The following LTA4H variants were observed in gnomAD, a reference collection of about 807,000 sequenced individuals.
LTA4H encodes the protein leukotriene A-4 hydrolase.
A neutral mutation model predicts 89.8 loss-of-function variants in LTA4H; 59 were observed. The observed-to-expected ratio is 0.66, with a 90% CI of 0.53 to 0.82. LTA4H has a LOEUF of 0.82. Ranked by LOEUF, LTA4H falls within the 40% of genes least tolerant of loss-of-function variation. The pLI, the probability that LTA4H is intolerant of heterozygous loss-of-function variation, is 0.00. For missense variants in LTA4H, 617 were observed against 727.0 expected (o/e 0.85, Z 1.74); for synonymous variants, 227 against 253.1 (o/e 0.90, Z 0.98).
rs528598350 is a variant in LTA4H at position 96,018,821 on chromosome 12, G to C, written c.794C>G (p.Ser265Cys). The C allele has an allele frequency of 6.2e-7, 1 of 1,603,520 alleles. No homozygotes were observed. Among genetic ancestry groups the C allele is most frequent in the East Asian group, 2.2e-5 (1 of 44,754 alleles). Residue 265 changes from serine (S) to cysteine (C), a missense_variant, in exon 8 of 19, where the codon TCC (serine) becomes TGC (cysteine). Around this residue, in one of 3 missense-constraint regions of LTA4H, gnomAD observed 172 missense variants for 244.5 expected, o/e 0.70. Transcript: ENST00000228740. ...ATTCTCCATGCCACCATAAGGGAAG[G>C]ATGGTGGCAGGACCAATAGGTCATA... ...GQYDLLVLPP[S>C]FPYGGMENPC...
chr12:96,013,740 T>A lies in LTA4H; in HGVS notation c.1308+10A>T. ...GAGCATGAAAAATAGAAAAGGTTTT[T>A]AAATCCAACCTTATCTTTAAAATAG... On this transcript the variant is annotated intron_variant, in intron 13 of 18. Coordinates refer to ENST00000228740, the MANE Select transcript of LTA4H (RefSeq NM_000895.3). 1 of 1,406,556 alleles carries A rather than the reference T, an allele frequency of 7.1e-7. No individual in the cohort carries two copies. Among genetic ancestry groups the A allele is most frequent in the Non-Finnish European group, 9.9e-7 (1 of 1,007,532 alleles). 87.1% of individuals were successfully genotyped at this position (1,406,556 alleles called of 1,614,324 possible). A position where few individuals can be genotyped will look rare whatever the true frequency, so the allele number is the denominator to read the frequency against.
At chr12:96,028,940 T>C (rs1950541483) in intron 2 of LTA4H, 115 bp downstream of exon 2, 1 of 765,136 alleles carries the variant, frequency 1.3e-6, no homozygotes, top group African/African-American at 1.8e-5. Context: ...ATAAGTAGTG[T>C]ACCAATCATT....
At chr12:96,011,024 C>T (rs531300911) in intron 14 of LTA4H, 7 of 152,110 alleles carry the variant, frequency 4.6e-5, no homozygotes, top group African/African-American at 9.7e-5. Context: ...ACAGAATTCC[C>T]GGGCACACGA....
chr12:96,035,526 G>T lies in LTA4H; in HGVS notation c.-7C>A, dbSNP rs375348628. Reference sequence around the variant, plus strand: ...TATCCACTATCTCGGGCATGGCTCTGGGGGATCACACAGCACAGCGACCTA... The same window carrying T: ...TATCCACTATCTCGGGCATGGCTCTTGGGGATCACACAGCACAGCGACCTA... On this transcript the variant is annotated 5_prime_UTR_variant, in exon 1 of 19. Coordinates refer to ENST00000228740, the MANE Select transcript of LTA4H (RefSeq NM_000895.3). 6.2e-7 allele frequency: 1 copy of T among 1,600,244 alleles called. No individual in the cohort carries two copies. Among genetic ancestry groups the T allele is most frequent in the African/African-American group, 1.3e-5 (1 of 74,836 alleles).
chr12:96,014,847 C>T lies in LTA4H; in HGVS notation c.1204+8G>A, dbSNP rs1950352270. On this transcript the variant is annotated splice_region_variant and intron_variant, in intron 12 of 18. Transcript: ENST00000228740. ...GAAAAAAAAAATCATAAAATACCAA[C>T]TACTTACCTGGTCCTCCAAGCAGTT... The T allele has an allele frequency of 6.2e-7, 1 of 1,600,466 alleles. No homozygotes were observed. The highest frequency in any genetic ancestry group is 1.4e-5 in the African/African-American group (1 of 73,984).
intron 10 of LTA4H, among the ~76,000 whole-genome samples, chr12:96,016,529 A>G (rs1276188535): frequency 6.6e-6 from 1 of 150,680 alleles, no homozygotes; most frequent in Non-Finnish European, 1.5e-5. Context: ...GAGGATTGCA[A>G]CCCTGGAGTT....
Position 96,018,772 on chromosome 12 carries a change from A to T in LTA4H, c.843T>A (p.Pro281=). 2 of 1,575,794 alleles carry T rather than the reference A, an allele frequency of 1.3e-6. No homozygotes were observed. The highest frequency in any genetic ancestry group is 1.7e-6 in the Non-Finnish European group (2 of 1,167,286). ...MENPCLTFVT[P]TLLAGDKSLS... ...AAACATTTACACTTACCAGTAGAGT[A>T]GGAGTTACAAAAGTAAGGCAAGGAT... The change falls in exon 8 of 19, where the codon CCT becomes CCA. Residue 281 remains proline, a synonymous_variant. Coordinates refer to ENST00000228740, the MANE Select transcript of LTA4H (RefSeq NM_000895.3).
In LTA4H at chr12:96,009,146, T is replaced by A; in HGVS notation, c.1382A>T (p.Tyr461Phe). 3.8e-6 allele frequency: 6 copies of A among 1,599,776 alleles called. No homozygotes were observed. Among genetic ancestry groups the A allele is most frequent in the Non-Finnish European group, 4.3e-6 (5 of 1,168,320 alleles). Residue 461 changes from tyrosine to phenylalanine, a missense_variant and splice_region_variant, in exon 15 of 19, where the codon TAT becomes TTT. Physicochemically the swap from Tyr to Phe is conservative, Grantham distance 22. Coordinates refer to ENST00000228740, the MANE Select transcript of LTA4H (RefSeq NM_000895.3). ...ACAAGCATTTGTCAGAGTCATATCA[T>A]AACTGCAAAGATAAAGATTACATTG... is the stretch of plus-strand genomic sequence containing the variant. ...SPGLPPIKPN[Y>F]DMTLTNACIA...
chr12:96,024,452 A>T, intron 4 of LTA4H, 27 bp downstream of exon 4: 1 of 1,360,818 alleles, frequency 7.3e-7, no homozygotes, highest in Non-Finnish European at 1.1e-6. Flanking sequence ...GCATCATTTA[A>T]TTGAGTTAAT....
At chr12:96,033,690 T>A (rs145519475) in intron 1 of LTA4H, among the ~76,000 whole-genome samples, 10,732 of 152,268 alleles carry the variant, frequency 0.07, 629 homozygotes, top group East Asian at 0.3. Flanking sequence ...GTATTTCTCC[T>A]AATGCTATCC....
rs754390203 is a variant in LTA4H, at chr12:96,024,560, G to A, written c.412-13C>T. Reference sequence around the variant, plus strand: ...TGCAGTGGATGGCCTGAAAAAGGGAGAAACAAGAAGAAATAGCTATTTATC... The same window carrying A: ...TGCAGTGGATGGCCTGAAAAAGGGAAAAACAAGAAGAAATAGCTATTTATC... On this transcript the variant is annotated splice_polypyrimidine_tract_variant and intron_variant, in intron 3 of 18. Transcript: ENST00000228740. The A allele has an allele frequency of 6.5e-7, 1 of 1,544,996 alleles. No individual in the cohort carries two copies. Among genetic ancestry groups the A allele is most frequent in the Admixed American group, 1.7e-5 (1 of 59,754 alleles).
chr12:96,017,557 A>G lies in LTA4H; in HGVS notation c.876T>C (p.Asn292=), dbSNP rs762314510. The G allele has an allele frequency of 3.7e-5, 60 of 1,610,318 alleles. No individual in the cohort carries two copies. The highest frequency in any genetic ancestry group is 4.8e-5 in the Non-Finnish European group (56 of 1,177,462). The change falls in exon 9 of 19, where the codon AAT becomes AAC. Residue 292 remains asparagine, a splice_region_variant and synonymous_variant. Coordinates refer to ENST00000228740, the MANE Select transcript of LTA4H (RefSeq NM_000895.3). ...TLLAGDKSLS[N]VIAHEISHSW... The stretch of plus-strand genomic sequence containing the variant: ...GCCATAATGAAAAAGTTTAACTTAC[A>G]TTGGAGAGTGACTTGTCGCCTGCCT...
intron 17 of LTA4H, 75 bp downstream of exon 17, chr12:96,003,763 G>GC: frequency 1.0e-6 from 1 of 962,272 alleles, no homozygotes; most frequent in Non-Finnish European, 1.6e-6. Flanking sequence ...CTCATACTCT[G>GC]CATTCCCTTT....
chr12:96,009,831 C>T (rs1346487203), intron 14 of LTA4H: 1 of 152,194 alleles, frequency 6.6e-6, no homozygotes, highest in Non-Finnish European at 1.5e-5. Flanking sequence ...CTTGCTTGTA[C>T]TGAAATGCTT....
chr12:96,018,684 T>C, intron 8 of LTA4H, 79 bp downstream of exon 8: 4 of 1,007,328 alleles, frequency 4.0e-6, no homozygotes, highest in Non-Finnish European at 5.5e-6. Flanking sequence ...TACATATATA[T>C]ACATATTATT....
At position 96,022,385 on chromosome 12, in the gene LTA4H, A is replaced by G. The variant is rs1243327731; in HGVS notation, c.481-134T>C. ...GACTATGAACACAAAAAGTATATAC[A>G]TATACAAAAAGTATATATATACACA... On this transcript the variant is annotated intron_variant, in intron 4 of 18. Coordinates refer to ENST00000228740, the MANE Select transcript of LTA4H (RefSeq NM_000895.3). This position sits in a 1 kb window ranked among gnomAD's most constrained non-coding sequence, Gnocchi z 4.0. The G allele has an allele frequency of 1.7e-6, 1 of 606,036 alleles. No homozygotes were observed. Among genetic ancestry groups the G allele is most frequent in the East Asian group, 2.8e-5 (1 of 35,546 alleles). The allele number at this position is 606,036 out of a possible 1,614,324, so 37.5% of individuals were successfully genotyped here.
intron 1 of LTA4H, among the ~76,000 whole-genome samples, chr12:96,031,873 A>G (rs996399636): frequency 3.3e-5 from 5 of 152,240 alleles, no homozygotes; most frequent in African/African-American, 7.2e-5. Context: ...TTTTAAAAAA[A>G]GCTTTATGCC....
At chr12:96,018,164 ATTG>A (rs1376057099) in intron 8 of LTA4H, among the ~76,000 whole-genome samples, 4 of 152,108 alleles carry the variant, frequency 2.6e-5, no homozygotes, top group Non-Finnish European at 4.4e-5. Flanking sequence ...TTATCAATGA[ATTG>A]TTGTTACACA....
intron 1 of LTA4H, among the ~76,000 whole-genome samples, chr12:96,031,611 A>T (rs1950573986): frequency 6.6e-6 from 1 of 152,180 alleles, no homozygotes; most frequent in South Asian, 2.1e-4. Context: ...CCCCCTAAAA[A>T]GCAGTTGTAC....
Sources: gnomAD v4.1 joint callset for allele counts (sites outside exome capture counted in the v4.1 genomes callset) on GRCh38, gnomAD v4.1.1 for gene constraint, gnomAD v4.1.1 regional missense constraint, Gnocchi (gnomAD v3.1) non-coding constraint, MANE v1.5 for transcripts, NCBI Gene and HGNC (gene_info 2026-07-23, HGNC 2026-07-21) for gene names.